Variants in PLCB1 observed in about 807,000 individuals in gnomAD.
PLCB1 encodes 1-phosphatidylinositol 4,5-bisphosphate phosphodiesterase beta-1.
Under a neutral mutation model 161.8 loss-of-function variants are expected in PLCB1, and 46 were observed. The observed-to-expected ratio is 0.28, with a 90% CI of 0.22 to 0.36. The LOEUF (loss-of-function observed/expected upper bound fraction) is 0.36. PLCB1 is among the 10% of genes least tolerant of loss of function. The pLI is 1.00. For missense variants in PLCB1, 1,016 were observed against 1,472.5 expected (o/e 0.69, Z 5.07); for synonymous variants, 517 against 503.7 (o/e 1.03, Z -0.35).
At position 8,724,747 on chromosome 20, in the gene PLCB1, C is replaced by T; in HGVS notation, c.1673C>T (p.Ser558Leu). Residue 558 changes from serine (S) to leucine (L), a missense_variant, in exon 16 of 32, where the codon TCA (serine) becomes TTA (leucine). Coordinates refer to ENST00000338037, the MANE Select transcript of PLCB1 (RefSeq NM_015192.4). ...GTCAAGTTTGAGTCATTTGAAATTTCAAAAAGTAAGTTTTCCCTGGAGAAA... is the reference window on the plus strand; with the variant it reads ...GTCAAGTTTGAGTCATTTGAAATTTTAAAAAGTAAGTTTTCCCTGGAGAAA... ...QPVKFESFEI[S>L]KKRNKSFEMS... 1 of 1,589,628 alleles carries T rather than the reference C, an allele frequency of 6.3e-7. No homozygotes were observed. The highest frequency in any genetic ancestry group is 8.6e-7 in the Non-Finnish European group (1 of 1,159,378).
Position 8,203,509 on chromosome 20 carries a change from G to C in PLCB1, c.177+53138G>C, listed in dbSNP as rs907633819. Among the ~76,000 whole-genome samples the C allele has an allele frequency of 3.2e-4, 49 of 152,144 alleles. 1 individual carries two copies. The highest frequency in any genetic ancestry group is 2.6e-4 in the Admixed American group (4 of 15,262). On this transcript the variant is annotated intron_variant, in intron 2 of 31. Transcript: ENST00000338037. ...TAGGTGGAAATGTCACTTTACCTAA[G>C]GAAAATGAGTTTGGGCTCTGAAAAG...
At chr20:8,702,382 C>CTTCCTT (rs1358522678) in intron 11 of PLCB1, among the ~76,000 whole-genome samples, 1 of 152,156 alleles carries the variant, frequency 6.6e-6, no homozygotes, top group East Asian at 1.9e-4. Flanking sequence ...CTTTAGGCAG[C>CTTCCTT]TTCCTTTTAA....
At chr20:8,412,975 A>G (rs1467149044) in intron 3 of PLCB1, among the ~76,000 whole-genome samples, 1 of 151,856 alleles carries the variant, frequency 6.6e-6, no homozygotes, top group Non-Finnish European at 1.5e-5. Flanking sequence ...AAAAAAACCA[A>G]TATACATTTT....
chr20:8,149,246 A>C (rs1050977851), intron 1 of PLCB1, among the ~76,000 whole-genome samples: 17 of 152,136 alleles, frequency 1.1e-4, no homozygotes, highest in Non-Finnish European at 1.8e-4. Flanking sequence ...CAACCTTCTG[A>C]GTTAGGTATT....
At chr20:8,845,250 A>G (rs1021626663) in intron 31 of PLCB1, among the ~76,000 whole-genome samples, 5 of 152,204 alleles carry the variant, frequency 3.3e-5, no homozygotes, top group Non-Finnish European at 7.3e-5. Context: ...TTCCCATGCT[A>G]TAAGCCTTGT....
chr20:8,392,059 G>A (rs1169052786), intron 3 of PLCB1, among the ~76,000 whole-genome samples: 3 of 151,756 alleles, frequency 2.0e-5, no homozygotes, highest in African/African-American at 4.8e-5. Flanking sequence ...TATGAGCAGC[G>A]AGTTCCTATA....
intron 2 of PLCB1, among the ~76,000 whole-genome samples, chr20:8,197,280 A>G (rs947133241): frequency 5.3e-5 from 8 of 152,176 alleles, no homozygotes; most frequent in African/African-American, 1.9e-4. Flanking sequence ...TCCCACCAAC[A>G]GTGTAAAAGT....
At chr20:8,233,882 T>G (rs895128365) in intron 2 of PLCB1, among the ~76,000 whole-genome samples, 1 of 152,338 alleles carries the variant, frequency 6.6e-6, no homozygotes, top group Non-Finnish European at 1.5e-5. Flanking sequence ...ACGTGGTGTT[T>G]GTAAAATTCA....
intron 23 of PLCB1, among the ~76,000 whole-genome samples, chr20:8,748,956 A>G (rs1981312723): frequency 6.6e-6 from 1 of 152,146 alleles, no homozygotes; most frequent in African/African-American, 2.4e-5. Flanking sequence ...AATAAAATTT[A>G]TTTTTTTCAA....
intron 2 of PLCB1, among the ~76,000 whole-genome samples, chr20:8,345,510 C>T (rs1985971044): frequency 6.6e-6 from 1 of 152,196 alleles, no homozygotes; most frequent in African/African-American, 2.4e-5. Flanking sequence ...ATCGTAGTTG[C>T]CTGGCCAAAC....
rs1261515163 is a variant in PLCB1 at position 8,252,260 on chromosome 20, T to A, written c.177+101889T>A. 2.0e-5 allele frequency among the ~76,000 whole-genome samples: 3 copies of A among 151,894 alleles called. No homozygotes were observed. The East Asian group carries it at 5.8e-4, about 30-fold the overall frequency. On this transcript the variant is annotated intron_variant, in intron 2 of 31. Transcript: ENST00000338037. ...TTGCTTTGCATCAGGCACCTGCTAG[T>A]CTCTGTATGCAAAGACAGCATGGCT...
chr20:8,172,437 C>T (rs1375540673), intron 2 of PLCB1, among the ~76,000 whole-genome samples: 1 of 152,134 alleles, frequency 6.6e-6, no homozygotes, highest in Non-Finnish European at 1.5e-5. Context: ...GATAGTTTGA[C>T]AAACAGTTCA....
At chr20:8,400,947 A>G (rs189295164) in intron 3 of PLCB1, among the ~76,000 whole-genome samples, 1 of 152,328 alleles carries the variant, frequency 6.6e-6, no homozygotes, top group Admixed American at 6.5e-5. Flanking sequence ...TAATTATGAA[A>G]TGCATTGCCA....
At chr20:8,864,711 T>C (rs1000995527) in intron 31 of PLCB1, among the ~76,000 whole-genome samples, 4 of 152,208 alleles carry the variant, frequency 2.6e-5, no homozygotes, top group Non-Finnish European at 5.9e-5. Flanking sequence ...CTGGCTGACA[T>C]GTCAACCAAG....
At chr20:8,567,034 C>G (rs1270542829) in intron 3 of PLCB1, among the ~76,000 whole-genome samples, 1 of 152,096 alleles carries the variant, frequency 6.6e-6, no homozygotes, top group Admixed American at 6.6e-5. Context: ...AGTCAGTTAG[C>G]TGAATAACTT....
At chr20:8,733,430 G>T (rs1214258294) in intron 19 of PLCB1, 38 bp downstream of exon 19, 2 of 1,570,788 alleles carry the variant, frequency 1.3e-6, no homozygotes, top group Non-Finnish European at 1.8e-6. Context: ...CCTAACAATA[G>T]TGTTGAATTT....
intron 2 of PLCB1, among the ~76,000 whole-genome samples, chr20:8,311,505 A>G (rs571401676): frequency 6.6e-6 from 1 of 152,292 alleles, no homozygotes; most frequent in Admixed American, 6.5e-5. Context: ...ACTTTGATCC[A>G]TCTTCCTTTT....
At chr20:8,565,563 T>TA (rs201327784) in intron 3 of PLCB1, among the ~76,000 whole-genome samples, 3 of 151,056 alleles carry the variant, frequency 2.0e-5, no homozygotes, top group East Asian at 1.9e-4. Flanking sequence ...TAATAAAAAA[T>TA]AAAAAAAAGA....
chr20:8,681,340 G>A (rs1182060358), intron 9 of PLCB1, among the ~76,000 whole-genome samples: 3 of 151,814 alleles, frequency 2.0e-5, no homozygotes, highest in East Asian at 1.9e-4. Context: ...GCATGGTTCA[G>A]AATCTTTCTC....
Sources: gnomAD v4.1 joint callset for allele counts (sites outside exome capture counted in the v4.1 genomes callset) on GRCh38, gnomAD v4.1.1 for gene constraint, MANE v1.5 for transcripts, NCBI Gene and HGNC (gene_info 2026-07-23, HGNC 2026-07-21) for gene names.